Variants in TNIK observed in about 807,000 individuals in gnomAD.
TNIK encodes the protein TRAF2 and NCK-interacting protein kinase.
In TNIK, 49 loss-of-function variants were observed where a neutral mutation model predicts 191.3. The observed-to-expected ratio is 0.26, with a 90% CI of 0.20 to 0.32. TNIK has a LOEUF of 0.32. TNIK is among the 10% of genes least tolerant of loss of function. The pLI is 1.00. For synonymous variants in TNIK, 594 were observed against 600.9 expected (o/e 0.99, Z 0.17); for missense variants, 1,155 against 1,702.3 (o/e 0.68, Z 5.66).
intron 21 of TNIK, among the ~76,000 whole-genome samples, chr3:171,103,168 C>T (rs1342581160): frequency 6.6e-6 from 1 of 151,962 alleles, no homozygotes; most frequent in African/African-American, 2.4e-5. Flanking sequence ...TACAGAAACA[C>T]ACTTGGCTAG....
intron 2 of TNIK, among the ~76,000 whole-genome samples, chr3:171,332,146 T>C (rs1341987866): frequency 6.6e-6 from 1 of 152,230 alleles, no homozygotes; most frequent in African/African-American, 2.4e-5. Flanking sequence ...ACTGTGTGTA[T>C]ATGAGTAATA....
At chr3:171,120,378 G>T (rs573529030) in intron 18 of TNIK, among the ~76,000 whole-genome samples, 9 of 150,062 alleles carry the variant, frequency 6.0e-5, no homozygotes, top group African/African-American at 2.2e-4. Context: ...TGGAGTGCAG[G>T]GGTGTGATCT....
At chr3:171,176,341 C>A (rs1353728728) in intron 8 of TNIK, among the ~76,000 whole-genome samples, 3 of 152,130 alleles carry the variant, frequency 2.0e-5, no homozygotes, top group Non-Finnish European at 4.4e-5. Flanking sequence ...ACGATGACAA[C>A]CCGAAGGTAA....
chr3:171,113,250 A>C (rs1428958161), intron 18 of TNIK, among the ~76,000 whole-genome samples: 1 of 152,032 alleles, frequency 6.6e-6, no homozygotes, highest in Non-Finnish European at 1.5e-5. Context: ...ATCTTCTTGC[A>C]GGAAGTCTTT....
intron 1 of TNIK, among the ~76,000 whole-genome samples, chr3:171,393,864 G>A (rs778743689): frequency 5.9e-5 from 9 of 152,100 alleles, no homozygotes; most frequent in African/African-American, 1.7e-4. Flanking sequence ...TCTTTTGACC[G>A]ATATTTATTA....
At chr3:171,267,727 G>A (rs1427298841) in intron 2 of TNIK, among the ~76,000 whole-genome samples, 1 of 152,164 alleles carries the variant, frequency 6.6e-6, no homozygotes, top group Non-Finnish European at 1.5e-5. Flanking sequence ...GATAGGGCAG[G>A]AGAAATAAAG....
chr3:171,349,249 A>G (rs1295404079), intron 2 of TNIK, among the ~76,000 whole-genome samples: 1 of 152,178 alleles, frequency 6.6e-6, no homozygotes, highest in Non-Finnish European at 1.5e-5. Context: ...CTGAGTGCTT[A>G]TTTATATTTT....
rs774407916 is a variant in TNIK at position 171,190,766 on chromosome 3, G to C, written c.439C>G (p.His147Asp). The C allele has an allele frequency of 1.9e-6, 3 of 1,594,496 alleles. No individual in the cohort carries two copies. Among genetic ancestry groups the C allele is most frequent in the Non-Finnish European group, 1.7e-6 (2 of 1,169,284 alleles). The stretch of plus-strand genomic sequence containing the variant: ...TTAATATCTCGATGAATCACTTTAT[G>C]CTGGTGCAGGTGACTCAGCCCCTGG... ...ILRGLSHLHQ[H>D]KVIHRDIKGQ... The change falls in exon 6 of 33, where the codon CAT becomes GAT. Residue 147 changes from histidine to aspartate, a missense_variant. This residue lies in a region of TNIK where 225 missense variants were observed against 438.9 expected (regional missense o/e 0.51). Transcript: ENST00000436636.
intron 2 of TNIK, among the ~76,000 whole-genome samples, chr3:171,313,626 A>C (rs1361722536): frequency 6.6e-6 from 1 of 152,148 alleles, no homozygotes; most frequent in African/African-American, 2.4e-5. Flanking sequence ...TTTTTTAAAA[A>C]TTATCATGAA....
intron 30 of TNIK, among the ~76,000 whole-genome samples, chr3:171,067,382 T>C (rs1718578832): frequency 6.6e-6 from 1 of 151,954 alleles, no homozygotes; most frequent in Admixed American, 6.6e-5. Flanking sequence ...TTAAAAAAAA[T>C]CATTATTGCC....
intron 9 of TNIK, among the ~76,000 whole-genome samples, chr3:171,174,187 G>A (rs943121510): frequency 1.3e-5 from 2 of 152,166 alleles, no homozygotes; most frequent in African/African-American, 2.4e-5. Context: ...CCACCAGGGT[G>A]GCTCTCATTA....
intron 1 of TNIK, among the ~76,000 whole-genome samples, chr3:171,407,656 C>T (rs921991944): frequency 2.0e-5 from 3 of 152,162 alleles, no homozygotes; most frequent in African/African-American, 7.2e-5. Flanking sequence ...CTCCATTTTC[C>T]AGAGGAACAG....
At chr3:171,254,066 C>A (rs1187201495) in intron 2 of TNIK, among the ~76,000 whole-genome samples, 1 of 152,176 alleles carries the variant, frequency 6.6e-6, no homozygotes, top group East Asian at 1.9e-4. Flanking sequence ...CTTAATTCAT[C>A]CCAAAGTGCA....
At chr3:171,434,896 A>G (rs1226481932) in intron 1 of TNIK, among the ~76,000 whole-genome samples, 1 of 152,208 alleles carries the variant, frequency 6.6e-6, no homozygotes, top group Non-Finnish European at 1.5e-5. Flanking sequence ...TAAAAAGAAC[A>G]TGCATTAATT....
chr3:171,388,514 T>C (rs916628567), intron 1 of TNIK, among the ~76,000 whole-genome samples: 2 of 152,202 alleles, frequency 1.3e-5, no homozygotes, highest in African/African-American at 4.8e-5. Context: ...GACTGAGCAA[T>C]CTATGTTACT....
intron 1 of TNIK, among the ~76,000 whole-genome samples, chr3:171,405,321 C>T (rs1287752865): frequency 2.6e-5 from 4 of 152,072 alleles, no homozygotes; most frequent in Non-Finnish European, 2.9e-5. Flanking sequence ...CCAGCAACCC[C>T]TATGTAAGTT....
At chr3:171,388,707 A>C (rs1369654317) in intron 1 of TNIK, among the ~76,000 whole-genome samples, 2 of 152,218 alleles carry the variant, frequency 1.3e-5, no homozygotes, top group Non-Finnish European at 2.9e-5. Context: ...TCCATCTTCA[A>C]ATCAGAGTAA....
intron 2 of TNIK, among the ~76,000 whole-genome samples, chr3:171,232,393 GAAA>G (rs1330503717): frequency 6.7e-6 from 1 of 149,926 alleles, no homozygotes; most frequent in South Asian, 2.1e-4. Context: ...ATTCTGAAAA[GAAA>G]AAACTTCTAA....
chr3:171,445,719 T>C lies in TNIK; in HGVS notation c.57+14288A>G, dbSNP rs137901991. On this transcript the variant is annotated intron_variant, in intron 1 of 32. Coordinates refer to ENST00000436636, the MANE Select transcript of TNIK (RefSeq NM_015028.4). ...ATCCAAAACAGCAAGAAGTAGTTAA[T>C]ACAGTCAAACTAAAGATGTTTCATT... is the stretch of plus-strand genomic sequence containing the variant. 4.9e-4 allele frequency among the ~76,000 whole-genome samples: 75 copies of C among 152,304 alleles called. No individual in the cohort carries two copies. The East Asian group carries it at 0.013, about 27-fold the overall frequency.
Sources: allele counts gnomAD v4.1 joint callset (sites outside exome capture counted in the v4.1 genomes callset), GRCh38; gene constraint gnomAD v4.1.1; regional missense constraint gnomAD v4.1.1; transcripts MANE v1.5; gene names NCBI Gene and HGNC (gene_info 2026-07-23, HGNC 2026-07-21).